TTBK2: variants seen among roughly 807,000 people sequenced by gnomAD.
TTBK2 encodes the protein tau-tubulin kinase 2.
A neutral mutation model predicts 110.8 loss-of-function variants in TTBK2; 28 were observed. The observed-to-expected ratio is 0.25, with a 90% CI of 0.19 to 0.35. The LOEUF (loss-of-function observed/expected upper bound fraction) is 0.35. Ranked by LOEUF, TTBK2 falls within the 10% of genes least tolerant of loss-of-function variation. The pLI, the probability that TTBK2 is intolerant of heterozygous loss-of-function variation, is 1.00. For synonymous variants in TTBK2, 532 were observed against 527.3 expected, an observed-to-expected ratio of 1.01 and a Z score of -0.12; for missense variants, 1,369 against 1,500.3, an observed-to-expected ratio of 0.91 and a Z score of 1.45.
In TTBK2 at chr15:42,852,138, C is replaced by T. The variant is rs181715776; in HGVS notation, c.218-11705G>A. ...AGGCGGGAGTGCAGTCACGCGATCT[C>T]GGCTCACTGCAACCTCTGCCTCCCA... On this transcript the variant is annotated intron_variant, in intron 3 of 14. Transcript: ENST00000267890. Among the ~76,000 whole-genome samples the T allele has an allele frequency of 4.9e-3, 744 of 151,630 alleles. 13 individuals carry two copies. The highest frequency in any genetic ancestry group is 0.017 in the African/African-American group (708 of 41,330).
At chr15:42,898,851 A>G (rs923892092) in intron 1 of TTBK2, among the ~76,000 whole-genome samples, 5 of 152,242 alleles carry the variant, frequency 3.3e-5, no homozygotes, top group African/African-American at 1.2e-4. Context: ...AATACTTCCC[A>G]AAGGATGAAA....
intron 1 of TTBK2, among the ~76,000 whole-genome samples, chr15:42,901,954 G>A (rs1201619195): frequency 5.3e-5 from 8 of 152,160 alleles, no homozygotes; most frequent in African/African-American, 9.7e-5. Context: ...GGTGGCTCAC[G>A]CTTGTAATCC....
intron 9 of TTBK2, among the ~76,000 whole-genome samples, chr15:42,795,444 A>G (rs865872852): frequency 2.1e-4 from 32 of 152,226 alleles, no homozygotes; most frequent in Admixed American, 1.1e-3. Context: ...GGGTCTCATA[A>G]AAGGCCTCTA....
At position 42,867,748 on chromosome 15, in the gene TTBK2, T is replaced by C. The variant is rs1012504330; in HGVS notation, c.217+4863A>G. Among the ~76,000 whole-genome samples the C allele has an allele frequency of 6.6e-5, 10 of 152,344 alleles. 1 individual carries two copies. Among genetic ancestry groups the C allele is most frequent in the Admixed American group, 3.9e-4 (6 of 15,304 alleles). On this transcript the variant is annotated intron_variant, in intron 3 of 14. Coordinates refer to ENST00000267890, the MANE Select transcript of TTBK2 (RefSeq NM_173500.4). ...ATGAGCTGATGAGAACGCAAAATGA[T>C]ACAGCCACTTTGGAAGAAAATTTGG...
At chr15:42,846,334 C>T (rs889323582) in intron 3 of TTBK2, among the ~76,000 whole-genome samples, 1 of 151,916 alleles carries the variant, frequency 6.6e-6, no homozygotes, top group East Asian at 1.9e-4. Context: ...GGATTACAGG[C>T]GTGCACCACC....
chr15:42,830,168 T>A, intron 4 of TTBK2, 90 bp from the exon 5 acceptor site: 4 of 1,523,018 alleles, frequency 2.6e-6, no homozygotes, highest in Non-Finnish European at 3.6e-6. Flanking sequence ...CATTAAAAGA[T>A]GTTTTCAGCA....
At chr15:42,815,824 C>G (rs897698938) in intron 7 of TTBK2, among the ~76,000 whole-genome samples, 1 of 140,506 alleles carries the variant, frequency 7.1e-6, no homozygotes, top group Non-Finnish European at 1.5e-5. Flanking sequence ...TGAAATAGTA[C>G]ACAGATGTTC....
intron 7 of TTBK2, among the ~76,000 whole-genome samples, chr15:42,815,897 T>TATATATATTTAAAA (rs1891928706): frequency 8.6e-6 from 1 of 115,912 alleles, no homozygotes; most frequent in Non-Finnish European, 1.6e-5. Context: ...TTTAAAAATA[T>TATATATATTTAAAA]ATATATATAT....
At chr15:42,746,371 C>G (rs1280980692) in intron 14 of TTBK2, 114 bp from the exon 15 acceptor site, 3 of 812,330 alleles carry the variant, frequency 3.7e-6, no homozygotes, top group Non-Finnish European at 5.8e-6. Context: ...AATAGACTAA[C>G]AGGATACAGG....
At chr15:42,785,852 T>G (rs1471557151) in intron 10 of TTBK2, among the ~76,000 whole-genome samples, 1 of 152,120 alleles carries the variant, frequency 6.6e-6, no homozygotes, top group Non-Finnish European at 1.5e-5. Flanking sequence ...TAGTCTTCAG[T>G]ACATTATACT....
chr15:42,895,313 T>C (rs923617540), intron 1 of TTBK2, among the ~76,000 whole-genome samples: 2 of 151,998 alleles, frequency 1.3e-5, no homozygotes, highest in Non-Finnish European at 1.5e-5. Context: ...GACAGAAATA[T>C]AAACACATGA....
At chr15:42,885,576 C>G (rs1329061902) in intron 1 of TTBK2, among the ~76,000 whole-genome samples, 1 of 152,232 alleles carries the variant, frequency 6.6e-6, no homozygotes, top group East Asian at 1.9e-4. Context: ...ACCCACGTTT[C>G]AGAGGTGTCT....
intron 3 of TTBK2, among the ~76,000 whole-genome samples, chr15:42,861,868 A>G (rs1316677653): frequency 6.6e-6 from 1 of 152,180 alleles, no homozygotes; most frequent in Non-Finnish European, 1.5e-5. Flanking sequence ...GGGGAAAAAG[A>G]GAAGATCCAA....
rs867088694 is a variant in TTBK2, at chr15:42,826,459, C to T, written c.537+1469G>A. On this transcript the variant is annotated intron_variant, in intron 6 of 14. Transcript: ENST00000267890. Reference sequence around the variant, plus strand: ...TTGCTAAATTAAGTTTGGCCTAAAACTGCCTCTGTACATGTTTTATGGCTG... The same window carrying T: ...TTGCTAAATTAAGTTTGGCCTAAAATTGCCTCTGTACATGTTTTATGGCTG... Among the ~76,000 whole-genome samples, 4 of 152,152 alleles carry T rather than the reference C, an allele frequency of 2.6e-5. No homozygotes were observed. In the South Asian group the frequency reaches 8.3e-4, roughly 32 times the overall value.
intron 2 of TTBK2, among the ~76,000 whole-genome samples, chr15:42,873,851 T>C (rs1174161726): frequency 6.6e-6 from 1 of 152,154 alleles, no homozygotes; most frequent in African/African-American, 2.4e-5. Context: ...GGATGTGATA[T>C]AATGTAGGAA....
intron 13 of TTBK2, among the ~76,000 whole-genome samples, chr15:42,754,886 T>A (rs1426563109): frequency 6.6e-6 from 1 of 150,728 alleles, no homozygotes; most frequent in Non-Finnish European, 1.5e-5. Flanking sequence ...CACATGCCTG[T>A]AATCCCAGAT....
chr15:42,758,046 G>A (rs1227510659), intron 13 of TTBK2, among the ~76,000 whole-genome samples: 1 of 152,120 alleles, frequency 6.6e-6, no homozygotes, highest in African/African-American at 2.4e-5. Context: ...ACTACCATTT[G>A]CATTTTAACT....
chr15:42,751,130 GAATA>G (rs1245167642), intron 14 of TTBK2, among the ~76,000 whole-genome samples: 4 of 152,130 alleles, frequency 2.6e-5, no homozygotes, highest in Non-Finnish European at 2.9e-5. Flanking sequence ...GAAGCCATAT[GAATA>G]AATAAAGATC....
intron 1 of TTBK2, among the ~76,000 whole-genome samples, chr15:42,887,016 T>A (rs887244197): frequency 1.3e-5 from 2 of 152,230 alleles, no homozygotes; most frequent in African/African-American, 4.8e-5. Context: ...ACTCTTACAA[T>A]GGAGGGTAAG....
Sources: allele counts gnomAD v4.1 joint callset (sites outside exome capture counted in the v4.1 genomes callset), GRCh38; gene constraint gnomAD v4.1.1; transcripts MANE v1.5; gene names NCBI Gene and HGNC (gene_info 2026-07-23, HGNC 2026-07-21).